ACACA: variants seen among roughly 807,000 people sequenced by gnomAD.
ACACA encodes the protein acetyl-CoA carboxylase 1.
In ACACA, 103 loss-of-function variants were observed where a neutral mutation model predicts 296.1. The observed-to-expected ratio is 0.35, with a 90% CI of 0.30 to 0.41. The LOEUF is 0.41. Among genes scored for constraint, ACACA ranks in the 10% least tolerant of loss-of-function variants. The pLI is 1.00. For missense variants in ACACA, 1,554 were observed against 2,989.7 expected (o/e 0.52, Z 11.20); for synonymous variants, 953 against 1,038.6 (o/e 0.92, Z 1.58).
rs540389667 is a variant in ACACA at position 37,386,083 on chromosome 17, A to C, written c.38+20179T>G. The stretch of plus-strand genomic sequence containing the variant: ...GACTTTTCCCACCACTGCCCCTTCT[A>C]TAACTCCTGGGAATAAAGAAGGAGA... On this transcript the variant is annotated intron_variant, in intron 1 of 55. Coordinates refer to ENST00000616317, the MANE Select transcript of ACACA (RefSeq NM_198834.3). The C allele has an allele frequency of 2.8e-4, 454 of 1,600,836 alleles. 7 individuals are homozygous for C. The South Asian group carries it at 4.7e-3, about 17-fold the overall frequency.
intron 41 of ACACA, among the ~76,000 whole-genome samples, chr17:37,177,236 G>A (rs993748057): frequency 1.3e-5 from 2 of 150,862 alleles, no homozygotes; most frequent in Middle Eastern, 3.4e-3. Context: ...GGTCTTAAAG[G>A]GGTTAAAAAA....
At chr17:37,332,509 G>A (rs150694123) in intron 2 of ACACA, among the ~76,000 whole-genome samples, 62 of 150,272 alleles carry the variant, frequency 4.1e-4, no homozygotes, top group East Asian at 3.5e-3. Flanking sequence ...GGTGGCTCAC[G>A]CCTATAATCC....
rs548245041 is a variant in ACACA, at chr17:37,086,917, A to G, written c.*399T>C. 38 of 305,280 alleles carry G rather than the reference A, an allele frequency of 1.2e-4. No homozygotes were observed. The East Asian group carries it at 2.9e-3, about 24-fold the overall frequency. The allele number at this position is 305,280 out of a possible 1,614,324, so 18.9% of individuals were successfully genotyped here. A position where few individuals can be genotyped will look rare whatever the true frequency, so the allele number is the denominator to read the frequency against. ...GCTGCGGCTCATGGGGCCAGGAGTG[A>G]GGGGGGCTGCTCACTGCTGGGCAAC... On this transcript the variant is annotated 3_prime_UTR_variant, in exon 56 of 56. Coordinates refer to ENST00000616317, the MANE Select transcript of ACACA (RefSeq NM_198834.3).
At chr17:37,217,091 G>A (rs1386781472) in intron 29 of ACACA, among the ~76,000 whole-genome samples, 5 of 151,094 alleles carry the variant, frequency 3.3e-5, no homozygotes, top group Admixed American at 2.0e-4. Flanking sequence ...GAGAAACCCC[G>A]TCTTTACTAA....
intron 33 of ACACA, among the ~76,000 whole-genome samples, chr17:37,202,493 G>A (rs1363602836): frequency 2.0e-5 from 3 of 151,500 alleles, no homozygotes; most frequent in Non-Finnish European, 2.9e-5. Context: ...AAGACATGCT[G>A]GGACTAGAAG....
chr17:37,103,190 G>A (rs2073466645), intron 52 of ACACA, among the ~76,000 whole-genome samples: 1 of 152,176 alleles, frequency 6.6e-6, no homozygotes, highest in Non-Finnish European at 1.5e-5. Context: ...TAATGATTTA[G>A]GGGAGATTAA....
rs73982243 is a variant in ACACA, at chr17:37,131,737, T to C, written c.5680-1519A>G. Among the ~76,000 whole-genome samples, 937 of 152,326 alleles carry C rather than the reference T, an allele frequency of 6.2e-3. 4 individuals carry two copies. The highest frequency in any genetic ancestry group is 7.9e-3 in the Non-Finnish European group (535 of 68,018). On this transcript the variant is annotated intron_variant, in intron 45 of 55. Transcript: ENST00000616317. ...AAGTAATAACCTCAGTGTGACCCAA[T>C]TGGCCTTGATTCCATTTAACTTCAG...
intron 3 of ACACA, among the ~76,000 whole-genome samples, chr17:37,291,678 T>C (rs2083074774): frequency 6.6e-6 from 1 of 152,192 alleles, no homozygotes; most frequent in Admixed American, 6.5e-5. Context: ...TTGCTGCCCA[T>C]GTCTTCCAAT....
chr17:37,349,723 GT>G lies in ACACA; in HGVS notation c.39-9874del, dbSNP rs776857484. The stretch of plus-strand genomic sequence containing the variant: ...AGGTACCCACCACTTCACCCAGCTA[GT>G]TTTTTTGTATTTTCAATAGAGACAG... On this transcript the variant is annotated intron_variant, in intron 1 of 55. Coordinates refer to ENST00000616317, the MANE Select transcript of ACACA (RefSeq NM_198834.3). Among the ~76,000 whole-genome samples the G allele has an allele frequency of 5.3e-5, 8 of 150,972 alleles. No homozygotes were observed. In the South Asian group the frequency reaches 1.0e-3, roughly 20 times the overall value.
intron 1 of ACACA, chr17:37,368,736 T>C (rs1242966255): frequency 2.0e-5 from 3 of 152,166 alleles, no homozygotes; most frequent in African/African-American, 7.2e-5. Context: ...AGCTTCTGAG[T>C]ACCAACCAAA....
chr17:37,174,018 A>ATTTTTTTTTTT (rs2077008643), intron 41 of ACACA, among the ~76,000 whole-genome samples: 2 of 15,436 alleles, frequency 1.3e-4, no homozygotes, highest in African/African-American at 2.7e-4. Context: ...ATATATATAT[A>ATTTTTTTTTTT]TATTTTTTTT....
chr17:37,244,962 A>T, intron 20 of ACACA, 118 bp downstream of exon 20: 1 of 1,477,768 alleles, frequency 6.8e-7, no homozygotes, highest in Non-Finnish European at 9.5e-7. Context: ...GCATAAGATT[A>T]ATAGGGGACA....
At chr17:37,398,254 C>G (rs1168836699) in intron 1 of ACACA, among the ~76,000 whole-genome samples, 2 of 146,184 alleles carry the variant, frequency 1.4e-5, no homozygotes, top group African/African-American at 5.0e-5. Context: ...AACAGTTTGG[C>G]CTCCTCTTCT....
chr17:37,207,212 TGGA>T (rs2078544347), intron 31 of ACACA, among the ~76,000 whole-genome samples: 1 of 152,246 alleles, frequency 6.6e-6, no homozygotes, highest in African/African-American at 2.4e-5. Context: ...TGTCTGGAAC[TGGA>T]GTAGTGACAG....
At chr17:37,160,803 G>T (rs889109806) in intron 42 of ACACA, among the ~76,000 whole-genome samples, 9 of 152,176 alleles carry the variant, frequency 5.9e-5, no homozygotes, top group African/African-American at 9.7e-5. Flanking sequence ...GAAATGAGGT[G>T]TAAGGAGGGA....
chr17:37,147,368 G>C (rs1344163753), intron 45 of ACACA, among the ~76,000 whole-genome samples: 1 of 152,028 alleles, frequency 6.6e-6, no homozygotes. Context: ...AGAAAGATCA[G>C]CACCCACACA....
At chr17:37,185,384 C>T (rs1247388589) in intron 39 of ACACA, among the ~76,000 whole-genome samples, 1 of 146,874 alleles carries the variant, frequency 6.8e-6, no homozygotes, top group Non-Finnish European at 1.5e-5. Context: ...AGGTGCATGA[C>T]ACCATGCCTG....
chr17:37,184,971 C>T (rs73287966), intron 39 of ACACA, among the ~76,000 whole-genome samples: 2 of 151,898 alleles, frequency 1.3e-5, no homozygotes, highest in Admixed American at 1.3e-4. Flanking sequence ...AAGCTAGACA[C>T]AAAATAGTAC....
At chr17:37,265,364 T>C (rs2248509) in intron 10 of ACACA, among the ~76,000 whole-genome samples, 51,685 of 151,944 alleles carry the variant, frequency 0.34, 11,175 homozygotes, top group African/African-American at 0.6. Flanking sequence ...ACATGCAAAA[T>C]AGACTCACCC....
Sources: gnomAD v4.1 joint callset for allele counts (sites outside exome capture counted in the v4.1 genomes callset) on GRCh38, gnomAD v4.1.1 for gene constraint, MANE v1.5 for transcripts, NCBI Gene and HGNC (gene_info 2026-07-23, HGNC 2026-07-21) for gene names.